SLC2A14: variants seen among roughly 807,000 people sequenced by gnomAD.
SLC2A14 encodes solute carrier family 2 member 14, also known as solute carrier family 2, facilitated glucose transporter member 14.
A neutral mutation model predicts 43.0 loss-of-function variants in SLC2A14; 13 were observed. The observed-to-expected ratio is 0.30, with a 90% CI of 0.20 to 0.48. The LOEUF (loss-of-function observed/expected upper bound fraction) is 0.48, where lower values mean the gene tolerates loss of function less well. Among genes scored for constraint, SLC2A14 ranks in the 20% least tolerant of loss-of-function variants. The pLI, the probability that SLC2A14 is intolerant of heterozygous loss-of-function variation, is 0.99. For synonymous variants in SLC2A14, 190 were observed against 233.8 expected, an observed-to-expected ratio of 0.81 and a Z score of 1.71; for missense variants, 428 against 620.4, an observed-to-expected ratio of 0.69 and a Z score of 3.29.
In SLC2A14 at chr12:7,872,635, A is replaced by G. The variant is rs1035834716; in HGVS notation, c.-58+172T>C. The G allele has an allele frequency of 7.7e-5, 34 of 444,250 alleles. No homozygotes were observed. The Admixed American group carries it at 2.1e-3, about 28-fold the overall frequency. 27.5% of individuals were successfully genotyped at this position (444,250 alleles called of 1,614,324 possible). A position where few individuals can be genotyped will look rare whatever the true frequency, so the allele number is the denominator to read the frequency against. ...ATAGTAGGTGCTCAGTAAATCACAAATCTCTTCTCCAAGGCTCCAAGGCTA... is the reference window on the plus strand; with the variant it reads ...ATAGTAGGTGCTCAGTAAATCACAAGTCTCTTCTCCAAGGCTCCAAGGCTA... On this transcript the variant is annotated intron_variant, in intron 1 of 10. Transcript: ENST00000431042.
chr12:7,818,340 C>T (rs1429615112), intron 9 of SLC2A14, among the ~76,000 whole-genome samples: 1 of 152,182 alleles, frequency 6.6e-6, no homozygotes, highest in African/African-American at 2.4e-5. Context: ...TGTGCCACCA[C>T]ACCTGGCTAA....
upstream of SLC2A14, among the ~76,000 whole-genome samples, chr12:7,876,967 G>A (rs1370848151): frequency 1.3e-5 from 2 of 151,088 alleles, no homozygotes; most frequent in Non-Finnish European, 1.5e-5. Flanking sequence ...TGCTGTGAAT[G>A]GCAAGATCTT....
At chr12:7,828,529 A>G (rs1864701899) in intron 6 of SLC2A14, among the ~76,000 whole-genome samples, 175 bp downstream of exon 6, 2 of 152,148 alleles carry the variant, frequency 1.3e-5, no homozygotes, top group South Asian at 4.1e-4. Flanking sequence ...AGCATGGGCA[A>G]CAGCATGAGA....
At chr12:7,855,641 T>C (rs1867300369) in intron 2 of SLC2A14, among the ~76,000 whole-genome samples, 2 of 152,078 alleles carry the variant, frequency 1.3e-5, no homozygotes, top group African/African-American at 2.4e-5. Context: ...TTTTTTCTTT[T>C]TCTTTGTTTT....
chr12:7,814,325 G>T lies in SLC2A14; in HGVS notation c.1485C>A (p.Thr495=). 1 of 1,604,394 alleles carries T rather than the reference G, an allele frequency of 6.2e-7. No individual in the cohort carries two copies. Among genetic ancestry groups the T allele is most frequent in the Non-Finnish European group, 8.5e-7 (1 of 1,175,302 alleles). ...TGGAAGGAGGCATGACTTAGACATTGGTGGTGGTCTCCTTAGCAGGCTCGA... is the reference window on the plus strand; with the variant it reads ...TGGAAGGAGGCATGACTTAGACATTTGTGGTGGTCTCCTTAGCAGGCTCGA... ...NSIEPAKETT[T]NV The change falls in exon 11 of 11, where the codon ACC becomes ACA. Residue 495 remains threonine (T), a synonymous_variant. Coordinates refer to ENST00000431042, the MANE Select transcript of SLC2A14 (RefSeq NM_001286234.2).
intron 1 of SLC2A14, among the ~76,000 whole-genome samples, chr12:7,870,610 CCTT>C (rs1027965048): frequency 7.9e-5 from 12 of 152,012 alleles, no homozygotes; most frequent in Admixed American, 2.6e-4. Flanking sequence ...TCCACATCCT[CCTT>C]ATTTCATTTT....
chr12:7,857,151 G>A (rs1288440054), intron 2 of SLC2A14, among the ~76,000 whole-genome samples: 1 of 152,134 alleles, frequency 6.6e-6, no homozygotes, highest in Non-Finnish European at 1.5e-5. Context: ...TCGGGAGGCT[G>A]AGGCAGGAGA....
chr12:7,827,770 C>G (rs908376058), intron 6 of SLC2A14, 88 bp from the exon 7 acceptor site: 6 of 1,510,640 alleles, frequency 4.0e-6, no homozygotes, highest in African/African-American at 1.4e-5. Context: ...AAGGGCCGCA[C>G]GAGGTGAGGT....
intron 3 of SLC2A14, among the ~76,000 whole-genome samples, chr12:7,832,108 A>T (rs920839608): frequency 2.0e-5 from 3 of 152,242 alleles, no homozygotes; most frequent in African/African-American, 7.2e-5. Context: ...ACTACATCTC[A>T]AAACAAACAA....
chr12:7,820,694 A>G (rs1471565936), intron 8 of SLC2A14, among the ~76,000 whole-genome samples: 1 of 148,664 alleles, frequency 6.7e-6, no homozygotes, highest in Non-Finnish European at 1.5e-5. Flanking sequence ...AACATACTGT[A>G]TAGTCCCTTC....
rs1007285618 is a variant in SLC2A14, at chr12:7,817,887, C to T, written c.1219G>A (p.Gly407Ser). The T allele has an allele frequency of 5.0e-5, 80 of 1,613,996 alleles. No homozygotes were observed. Among genetic ancestry groups the T allele is most frequent in the Non-Finnish European group, 6.6e-5 (78 of 1,180,026 alleles). The change falls in exon 10 of 11, where the codon GGC becomes AGC. Residue 407 changes from glycine to serine, a missense_variant. By Grantham distance (56) the Gly-to-Ser change is moderately conservative. Around this residue, in one of 4 missense-constraint regions of SLC2A14, gnomAD observed 119 missense variants for 188.7 expected, o/e 0.63. Transcript: ENST00000431042. ...GPRPAAMAVA[G>S]CSNWTSNFLV... Reference sequence around the variant, plus strand: ...AAGTTGGAGGTCCAGTTGGAGCAGCCGGCCACTGCCATCGCAGCTGGGCGG... The same window carrying T: ...AAGTTGGAGGTCCAGTTGGAGCAGCTGGCCACTGCCATCGCAGCTGGGCGG...
At chr12:7,888,303 T>C (rs562862651) in intron 1 of SLC2A14, among the ~76,000 whole-genome samples, 18 of 151,980 alleles carry the variant, frequency 1.2e-4, no homozygotes, top group Admixed American at 6.6e-5. Flanking sequence ...CAAGCAGTAA[T>C]GAAAGAAATA....
intron 1 of SLC2A14, 116 bp downstream of exon 1, chr12:7,872,691 T>C: frequency 1.2e-5 from 10 of 837,882 alleles, no homozygotes; most frequent in South Asian, 1.1e-4. Context: ...TCTTCTTTCT[T>C]AGCCCGGCCC....
Position 7,869,796 on chromosome 12 carries a change from G to C in SLC2A14, c.18+67C>G. Reference sequence around the variant, plus strand: ...ACATGAAAAGTTTAGGAAGATGATAGGTACTGTGATTATCAACATAACTCT... The same window carrying C: ...ACATGAAAAGTTTAGGAAGATGATACGTACTGTGATTATCAACATAACTCT... On this transcript the variant is annotated intron_variant, in intron 2 of 10. Transcript: ENST00000431042. The C allele has an allele frequency of 4.1e-6, 4 of 980,794 alleles. No individual in the cohort carries two copies. The East Asian group carries it at 1.1e-4, about 26-fold the overall frequency. 60.8% of individuals were successfully genotyped at this position (980,794 alleles called of 1,614,324 possible). A position where few individuals can be genotyped will look rare whatever the true frequency, so the allele number is the denominator to read the frequency against.
At position 7,837,513 on chromosome 12, in the gene SLC2A14, C is replaced by T. The variant is rs373089550; in HGVS notation, c.19-4699G>A. 2.2e-4 allele frequency among the ~76,000 whole-genome samples: 34 copies of T among 152,088 alleles called. 2 individuals are homozygous for T. The East Asian group carries it at 2.9e-3, about 13-fold the overall frequency. ...AACTAGCCAGCCATAGTGGCGCAAG[C>T]CTGTAATCCCAGCTACTTTGGAGGC... is the stretch of plus-strand genomic sequence containing the variant. On this transcript the variant is annotated intron_variant, in intron 2 of 10. Transcript: ENST00000431042.
chr12:7,874,974 A>AAT (rs368869477), upstream of SLC2A14, among the ~76,000 whole-genome samples: 44 of 5,864 alleles, frequency 7.5e-3, 3 homozygotes, highest in South Asian at 0.093. Flanking sequence ...ATTATATATA[A>AAT]ATATATTTAT....
Position 7,813,720 on chromosome 12 carries a change from C to CT in SLC2A14, c.*595dup, listed in dbSNP as rs1258323927. On this transcript the variant is annotated 3_prime_UTR_variant, in exon 11 of 11. Transcript: ENST00000431042. Reference sequence around the variant, plus strand: ...CACCTTAACCTCTCCAGCATCAAATCTTTTACTCTATAACCTCTCTTTAAA... The same window carrying CT: ...CACCTTAACCTCTCCAGCATCAAATCTTTTTACTCTATAACCTCTCTTTAAA... 6.4e-6 allele frequency: 1 copy of CT among 155,350 alleles called. No individual in the cohort carries two copies. Among genetic ancestry groups the CT allele is most frequent in the Non-Finnish European group, 1.4e-5 (1 of 69,774 alleles). The allele number at this position is 155,350 out of a possible 1,614,324, so 9.6% of individuals were successfully genotyped here.
chr12:7,873,088 C>G (rs1206301258), upstream of SLC2A14: 1 of 985,412 alleles, frequency 1.0e-6, no homozygotes, highest in Non-Finnish European at 1.2e-6. Context: ...CACCTGCGCA[C>G]CGCACGGTCC....
intron 2 of SLC2A14, among the ~76,000 whole-genome samples, chr12:7,835,729 T>C (rs1321030347): frequency 6.6e-6 from 1 of 152,148 alleles, no homozygotes; most frequent in Non-Finnish European, 1.5e-5. Flanking sequence ...CATAAAACAA[T>C]GTAAATGGCA....
Sources: gnomAD v4.1 joint callset for allele counts (sites outside exome capture counted in the v4.1 genomes callset) on GRCh38, gnomAD v4.1.1 for gene constraint, gnomAD v4.1.1 regional missense constraint, MANE v1.5 for transcripts, NCBI Gene and HGNC (gene_info 2026-07-23, HGNC 2026-07-21) for gene names.